Variants in GRIK2 observed in about 807,000 individuals in gnomAD.
GRIK2 encodes the protein glutamate ionotropic receptor kainate type subunit 2.
A neutral mutation model predicts 100.3 loss-of-function variants in GRIK2; 32 were observed. The observed-to-expected ratio is 0.32, with a 90% confidence interval of 0.24 to 0.43. The LOEUF is 0.43. Ranked by LOEUF, GRIK2 falls within the 20% of genes least tolerant of loss-of-function variation. GRIK2 has a pLI of 1.00. For synonymous variants in GRIK2, 417 were observed against 389.4 expected (o/e 1.07, Z -0.83); for missense variants, 843 against 1,114.9 (o/e 0.76, Z 3.47).
At chr6:101,901,995 C>T (rs998371240) in intron 12 of GRIK2, among the ~76,000 whole-genome samples, 5 of 151,114 alleles carry the variant, frequency 3.3e-5, no homozygotes, top group Non-Finnish European at 5.9e-5. Context: ...TAAATAATGT[C>T]GAGCAATTCA....
intron 11 of GRIK2, among the ~76,000 whole-genome samples, chr6:101,867,581 T>C (rs1393281300): frequency 1.6e-4 from 25 of 151,702 alleles, no homozygotes; most frequent in Admixed American, 1.6e-3. Flanking sequence ...AACCATTTAT[T>C]GAATATATAT....
chr6:101,535,104 T>C (rs1298641834), intron 2 of GRIK2, among the ~76,000 whole-genome samples: 1 of 151,766 alleles, frequency 6.6e-6, no homozygotes, highest in East Asian at 1.9e-4. Context: ...AAAAGTATGA[T>C]TTTTCTTTGA....
chr6:101,501,860 C>T lies in GRIK2; in HGVS notation c.115+102468C>T, dbSNP rs559483406. 8.3e-4 allele frequency among the ~76,000 whole-genome samples: 126 copies of T among 152,216 alleles called. 1 individual carries two copies. Among genetic ancestry groups the T allele is most frequent in the Non-Finnish European group, 1.3e-3 (91 of 67,996 alleles). On this transcript the variant is annotated intron_variant, in intron 2 of 16. Transcript: ENST00000369134. Reference sequence around the variant, plus strand: ...GCAACCTCCGTCTCCTGGGTTCAAGCGATCCTCCCACCTCAGCCTCCTGAG... The same window carrying T: ...GCAACCTCCGTCTCCTGGGTTCAAGTGATCCTCCCACCTCAGCCTCCTGAG...
chr6:101,494,403 C>A (rs981367647), intron 2 of GRIK2, among the ~76,000 whole-genome samples: 1 of 151,808 alleles, frequency 6.6e-6, no homozygotes, highest in Non-Finnish European at 1.5e-5. Context: ...TTTGGCTAAA[C>A]TACTCAGTTA....
At chr6:101,533,694 C>T (rs1775553577) in intron 2 of GRIK2, among the ~76,000 whole-genome samples, 1 of 151,864 alleles carries the variant, frequency 6.6e-6, no homozygotes, top group Non-Finnish European at 1.5e-5. Context: ...GCTGATAGGG[C>T]AGTGCAGAGA....
chr6:102,024,790 T>C (rs1234759531), intron 14 of GRIK2, among the ~76,000 whole-genome samples: 1 of 151,124 alleles, frequency 6.6e-6, no homozygotes, highest in Non-Finnish European at 1.5e-5. Flanking sequence ...GTCAGGTATA[T>C]ATACATATAT....
chr6:101,843,749 T>A (rs1396334580), intron 10 of GRIK2, among the ~76,000 whole-genome samples: 1 of 152,200 alleles, frequency 6.6e-6, no homozygotes. Context: ...ATGCATTAGA[T>A]CAGAATTTCT....
chr6:101,601,118 G>A (rs1278049746), intron 2 of GRIK2, among the ~76,000 whole-genome samples: 2 of 97,402 alleles, frequency 2.1e-5, no homozygotes, highest in Admixed American at 1.1e-4. Flanking sequence ...CTAGTTTGTT[G>A]AGTTTTTTTT....
At chr6:101,699,355 A>G (rs1192708285) in intron 7 of GRIK2, among the ~76,000 whole-genome samples, 1 of 152,058 alleles carries the variant, frequency 6.6e-6, no homozygotes, top group Non-Finnish European at 1.5e-5. Flanking sequence ...GACTCCCACT[A>G]TTCCAGCTGT....
chr6:101,760,718 ATATTTAAT>A (rs1165940888), intron 7 of GRIK2, among the ~76,000 whole-genome samples: 50 of 101,820 alleles, frequency 4.9e-4, no homozygotes, highest in African/African-American at 1.3e-3. Flanking sequence ...ATATTTAATT[ATATTTAAT>A]TATATAATTA....
At chr6:102,053,103 C>CACACACAA (rs1771286158) in intron 15 of GRIK2, among the ~76,000 whole-genome samples, 1 of 151,844 alleles carries the variant, frequency 6.6e-6, no homozygotes, top group Non-Finnish European at 1.5e-5. Context: ...CACACACACA[C>CACACACAA]ACACACACAC....
At chr6:101,605,073 A>G (rs1779383441) in intron 2 of GRIK2, among the ~76,000 whole-genome samples, 1 of 151,968 alleles carries the variant, frequency 6.6e-6, no homozygotes. Flanking sequence ...ATAAATTGTT[A>G]CTATTTTCAT....
chr6:101,827,641 A>C (rs1782424027), intron 10 of GRIK2, among the ~76,000 whole-genome samples: 1 of 152,046 alleles, frequency 6.6e-6, no homozygotes, highest in African/African-American at 2.4e-5. Context: ...GTATTAGATA[A>C]AAAGATAAAA....
intron 4 of GRIK2, among the ~76,000 whole-genome samples, chr6:101,641,953 T>G (rs1781293846): frequency 6.6e-6 from 1 of 151,958 alleles, no homozygotes. Flanking sequence ...TGATCTATTG[T>G]GGTATTGTTT....
chr6:102,043,495 G>A (rs887833747), intron 15 of GRIK2, among the ~76,000 whole-genome samples: 1 of 151,834 alleles, frequency 6.6e-6, no homozygotes, highest in African/African-American at 2.4e-5. Flanking sequence ...ACATGTCAGT[G>A]AGAATATGTG....
chr6:101,417,697 A>G (rs1025703227), intron 2 of GRIK2, among the ~76,000 whole-genome samples: 7 of 152,340 alleles, frequency 4.6e-5, no homozygotes, highest in African/African-American at 1.7e-4. Context: ...GCAAGTTATG[A>G]GAACCCAACC....
chr6:101,793,323 C>T (rs1177552477), intron 7 of GRIK2, among the ~76,000 whole-genome samples: 2 of 151,656 alleles, frequency 1.3e-5, no homozygotes, highest in African/African-American at 2.4e-5. Context: ...TCTGTTTTTT[C>T]CCCATCTTTG....
At chr6:101,445,676 T>C (rs1205100447) in intron 2 of GRIK2, among the ~76,000 whole-genome samples, 1 of 152,138 alleles carries the variant, frequency 6.6e-6, no homozygotes, top group Non-Finnish European at 1.5e-5. Flanking sequence ...ACGTGGGCTA[T>C]GGACCCAAAT....
intron 7 of GRIK2, among the ~76,000 whole-genome samples, chr6:101,703,167 G>A (rs1373898133): frequency 6.6e-6 from 1 of 151,850 alleles, no homozygotes; most frequent in Admixed American, 6.6e-5. Context: ...TGAAAGGATT[G>A]TAGAATAAAT....
Sources: allele counts gnomAD v4.1 joint callset (sites outside exome capture counted in the v4.1 genomes callset), GRCh38; gene constraint gnomAD v4.1.1; transcripts MANE v1.5; gene names NCBI Gene and HGNC (gene_info 2026-07-23, HGNC 2026-07-21).